The following GLIS3 variants were observed in gnomAD, a reference collection of about 807,000 sequenced individuals.
GLIS3 encodes the protein zinc finger protein GLIS3.
In GLIS3, 53 loss-of-function variants were observed where a neutral mutation model predicts 78.6. That is an observed-to-expected ratio of 0.67 (90% CI 0.54 to 0.85). The LOEUF (loss-of-function observed/expected upper bound fraction) is 0.85, where lower values mean the gene tolerates loss of function less well. Among genes scored for constraint, GLIS3 ranks in the 40% least tolerant of loss-of-function variants. The pLI is 0.00. For synonymous variants in GLIS3, 684 were observed against 509.9 expected (o/e 1.34, Z -4.60); for missense variants, 1,703 against 1,231.1 (o/e 1.38, Z -5.74).
rs993278173 is a variant in GLIS3 at position 3,909,826 on chromosome 9, G to A, written c.1984-10991C>T. Among the ~76,000 whole-genome samples, 5 of 152,338 alleles carry A rather than the reference G, an allele frequency of 3.3e-5. No individual in the cohort carries two copies. In the East Asian group the frequency reaches 9.6e-4, roughly 29 times the overall value. Reference sequence around the variant, plus strand: ...GCAACACTATCCAGTTGAAATTTCTGTGACGATGGAAAGGTTCTGCACTGC... The same window carrying A: ...GCAACACTATCCAGTTGAAATTTCTATGACGATGGAAAGGTTCTGCACTGC... On this transcript the variant is annotated intron_variant, in intron 6 of 10. Coordinates refer to ENST00000381971, the MANE Select transcript of GLIS3 (RefSeq NM_001042413.2).
the GLIS3 span, among the ~76,000 whole-genome samples, chr9:4,397,073 T>C: frequency 7.0e-6 from 1 of 142,696 alleles, no homozygotes; most frequent in African/African-American, 2.7e-5. Context: ...TCTCCCAGGC[T>C]GGAGTGCAGT....
chr9:4,106,155 T>C (rs981130098), intron 4 of GLIS3, among the ~76,000 whole-genome samples: 3 of 152,118 alleles, frequency 2.0e-5, no homozygotes, highest in Non-Finnish European at 2.9e-5. Flanking sequence ...GCTGAATCAC[T>C]TGAGATGGGC....
intron 4 of GLIS3, among the ~76,000 whole-genome samples, chr9:4,080,147 G>T (rs1386405677): frequency 1.3e-5 from 2 of 152,196 alleles, no homozygotes; most frequent in African/African-American, 4.8e-5. Context: ...AAAACCGTGT[G>T]CTGTGGTTCC....
chr9:4,310,669 C>T lies in GLIS3; in HGVS notation n.265-141G>A, dbSNP rs563751826. 8 of 152,422 alleles carry T rather than the reference C, an allele frequency of 5.2e-5. No individual in the cohort carries two copies. The South Asian group carries it at 1.7e-3, about 32-fold the overall frequency. The allele number at this position is 152,422 out of a possible 1,614,324, so 9.4% of individuals were successfully genotyped here. A position where few individuals can be genotyped will look rare whatever the true frequency, so the allele number is the denominator to read the frequency against. On this transcript the variant is annotated intron_variant and non_coding_transcript_variant, in intron 2 of 4. Coordinates refer to the GLIS3 transcript ENST00000471664. ...CAGCCCCATGAGGACACACACCAGC[C>T]ATCTTGCAAGCATGTGTGACACCAA...
intron 4 of GLIS3, among the ~76,000 whole-genome samples, chr9:4,109,719 G>A (rs903628779): frequency 5.9e-5 from 9 of 152,062 alleles, no homozygotes; most frequent in Non-Finnish European, 1.3e-4. Flanking sequence ...CTATTTGGTA[G>A]TGTAAGTCCT....
At chr9:4,268,182 T>C (rs7038898) in intron 2 of GLIS3, among the ~76,000 whole-genome samples, 2,707 of 152,228 alleles carry the variant, frequency 0.018, 78 homozygotes, top group African/African-American at 0.061. Flanking sequence ...TTGCGAAAAT[T>C]ACTCAGTTAC....
chr9:3,904,618 C>T (rs1588192587), intron 6 of GLIS3, among the ~76,000 whole-genome samples: 1 of 152,158 alleles, frequency 6.6e-6, no homozygotes, highest in African/African-American at 2.4e-5. Flanking sequence ...AAGCATCGTG[C>T]GGTTGAATCC....
chr9:4,275,362 C>A (rs1360127304), intron 2 of GLIS3, among the ~76,000 whole-genome samples: 1 of 152,094 alleles, frequency 6.6e-6, no homozygotes, highest in Admixed American at 6.6e-5. Context: ...AATGGCAGCA[C>A]CCTGTATTCA....
At chr9:4,371,729 TAC>T in the GLIS3 span, among the ~76,000 whole-genome samples, 793 of 152,302 alleles carry the variant, frequency 5.2e-3, 12 homozygotes, top group African/African-American at 0.018. Context: ...AAACAGAAAT[TAC>T]ACCACGTTAC....
intron 6 of GLIS3, among the ~76,000 whole-genome samples, chr9:3,918,648 T>C (rs1188937197): frequency 6.6e-6 from 1 of 152,198 alleles, no homozygotes; most frequent in African/African-American, 2.4e-5. Context: ...CATGAAACTG[T>C]GGCAGGCTAA....
intron 9 of GLIS3, among the ~76,000 whole-genome samples, chr9:3,847,864 A>C (rs575884797): frequency 6.6e-6 from 1 of 152,358 alleles, no homozygotes; most frequent in South Asian, 2.1e-4. Flanking sequence ...CTCCAAATCT[A>C]ATCATCAATC....
At chr9:4,088,613 C>A (rs1312595789) in intron 4 of GLIS3, among the ~76,000 whole-genome samples, 1 of 152,220 alleles carries the variant, frequency 6.6e-6, no homozygotes, top group Non-Finnish European at 1.5e-5. Flanking sequence ...ATGGAATTCA[C>A]TTCAATAAAT....
chr9:4,378,628 G>C, the GLIS3 span, among the ~76,000 whole-genome samples: 1 of 152,136 alleles, frequency 6.6e-6, no homozygotes, highest in Non-Finnish European at 1.5e-5. Flanking sequence ...CAGAAAGAGA[G>C]ATTCCATTTT....
intron 2 of GLIS3, among the ~76,000 whole-genome samples, chr9:4,246,046 T>A (rs926998409): frequency 6.6e-6 from 1 of 152,162 alleles, no homozygotes; most frequent in African/African-American, 2.4e-5. Context: ...AGGACCCATT[T>A]CATTCATGAG....
the GLIS3 span, among the ~76,000 whole-genome samples, chr9:4,480,768 T>C: frequency 2.6e-5 from 4 of 151,996 alleles, no homozygotes; most frequent in African/African-American, 9.7e-5. Context: ...TTAATTGGAA[T>C]TGTAGAATGC....
chr9:3,939,826 T>C (rs1826101704), intron 4 of GLIS3, among the ~76,000 whole-genome samples: 1 of 152,342 alleles, frequency 6.6e-6, no homozygotes, highest in East Asian at 1.9e-4. Context: ...CAACTCACTC[T>C]TGTTGAAGAA....
At chr9:4,133,824 C>CACACACACACACA (rs1586765479) in intron 2 of GLIS3, among the ~76,000 whole-genome samples, 1 of 108,790 alleles carries the variant, frequency 9.2e-6, no homozygotes, top group East Asian at 2.3e-4. Flanking sequence ...CCAAGACCTT[C>CACACACACACACA]TACACACACA....
At chr9:4,034,027 G>T (rs1824101095) in intron 4 of GLIS3, among the ~76,000 whole-genome samples, 1 of 151,776 alleles carries the variant, frequency 6.6e-6, no homozygotes, top group Non-Finnish European at 1.5e-5. Context: ...TTCAATAACA[G>T]CCTAGGCAAC....
chr9:4,478,112 C>G, the GLIS3 span, among the ~76,000 whole-genome samples: 1 of 152,032 alleles, frequency 6.6e-6, no homozygotes, highest in Non-Finnish European at 1.5e-5. Context: ...ACAAGATGGT[C>G]TTGGGACATC....
Sources: gnomAD v4.1 joint callset for allele counts (sites outside exome capture counted in the v4.1 genomes callset) on GRCh38, gnomAD v4.1.1 for gene constraint, MANE v1.5 for transcripts, NCBI Gene and HGNC (gene_info 2026-07-23, HGNC 2026-07-21) for gene names.